Variants in ACOT1 observed in about 807,000 individuals in gnomAD.
The protein encoded by ACOT1 is acyl-coenzyme A thioesterase 1.
A neutral mutation model predicts 15.7 loss-of-function variants in ACOT1; 8 were observed. The ratio of observed to expected loss-of-function variants is 0.51; its 90% CI spans 0.30 to 0.92. ACOT1 has a LOEUF of 0.92. ACOT1 is among the 40% of genes least tolerant of loss of function. The pLI is 0.06. For missense variants in ACOT1, 151 were observed against 539.4 expected, an observed-to-expected ratio of 0.28 and a Z score of 7.13; for synonymous variants, 67 against 241.2, an observed-to-expected ratio of 0.28 and a Z score of 6.69.
chr14:73,543,110 A>T lies in ACOT1; in HGVS notation c.721A>T (p.Met241Leu), dbSNP rs746989185. 1 of 1,591,678 alleles carries T rather than the reference A, an allele frequency of 6.3e-7. No homozygotes were observed. Among genetic ancestry groups the T allele is most frequent in the Non-Finnish European group, 8.6e-7 (1 of 1,168,684 alleles). The change falls in exon 3 of 3, where the codon ATG (methionine) becomes TTG (leucine). Residue 241 changes from methionine (M) to leucine (L), a missense_variant. Transcript: ENST00000311148. ...ISKGGELCLSMASFLKGITAA... is the reference protein window; with the variant it reads ...ISKGGELCLSLASFLKGITAA... ...CAAAGGGGGTGAGCTCTGCCTTTCC[A>T]TGGCCTCTTTCCTGAAGGGCATCAC...
At chr14:73,524,310 A>AATATATATATATATATAT in the ACOT1 span, among the ~76,000 whole-genome samples, 9 of 54,770 alleles carry the variant, frequency 1.6e-4, no homozygotes, top group South Asian at 1.6e-3. Context: ...AAAAAAAAAA[A>AATATATATATATATATAT]ATATATATAT....
At chr14:73,495,203 T>C in the ACOT1 span, 2 of 1,603,242 alleles carry the variant, frequency 1.2e-6, no homozygotes, top group South Asian at 2.2e-5. Flanking sequence ...AATCAAGGCA[T>C]GGAACTCACC....
chr14:73,491,398 G>A, the ACOT1 span: 1 of 1,346,102 alleles, frequency 7.4e-7, no homozygotes, highest in Middle Eastern at 2.7e-4. Flanking sequence ...CCGCTTCCGC[G>A]CCGCCCGCGC....
At chr14:73,494,428 T>C in the ACOT1 span, among the ~76,000 whole-genome samples, 1 of 152,240 alleles carries the variant, frequency 6.6e-6, no homozygotes, top group Non-Finnish European at 1.5e-5. Context: ...AGTTTTCTGT[T>C]ATTTAAGGTT....
At chr14:73,508,963 A>G in the ACOT1 span, among the ~76,000 whole-genome samples, 2 of 151,794 alleles carry the variant, frequency 1.3e-5, no homozygotes, top group East Asian at 1.9e-4. Context: ...TCTGATAAGC[A>G]TGTATATATA....
chr14:73,503,348 G>T, the ACOT1 span, among the ~76,000 whole-genome samples: 1 of 152,202 alleles, frequency 6.6e-6, no homozygotes, highest in Non-Finnish European at 1.5e-5. Flanking sequence ...AAATTTGAAA[G>T]TGATACTTGA....
the ACOT1 span, among the ~76,000 whole-genome samples, chr14:73,507,414 C>T: frequency 5.9e-5 from 9 of 152,246 alleles, no homozygotes; most frequent in South Asian, 8.3e-4. Flanking sequence ...CAACCGGCTG[C>T]ATTTTATCTA....
the ACOT1 span, chr14:73,500,613 G>A: frequency 3.7e-6 from 6 of 1,614,066 alleles, no homozygotes; most frequent in African/African-American, 1.3e-5. Context: ...CTGCTGTGAA[G>A]TCATCAGAGA....
At chr14:73,508,374 G>C in the ACOT1 span, 28 of 1,239,698 alleles carry the variant, frequency 2.3e-5, 1 homozygote, top group South Asian at 3.0e-4. Context: ...TGATACCCAA[G>C]GCTGCTACCC....
At chr14:73,512,794 A>G in the ACOT1 span, among the ~76,000 whole-genome samples, 30 of 152,252 alleles carry the variant, frequency 2.0e-4, no homozygotes, top group African/African-American at 7.0e-4. Context: ...CAAAGCTCCT[A>G]TTATCTGTAG....
At chr14:73,500,771 T>G in the ACOT1 span, 1 of 1,587,692 alleles carries the variant, frequency 6.3e-7, no homozygotes, top group Admixed American at 1.7e-5. Context: ...TCCTTAAACT[T>G]TCAGTACCTA....
the ACOT1 span, among the ~76,000 whole-genome samples, chr14:73,514,835 G>T: frequency 5.9e-5 from 9 of 152,004 alleles, no homozygotes; most frequent in Non-Finnish European, 1.0e-4. Flanking sequence ...TTGGGAGGCC[G>T]AGGCGAGCAG....
the ACOT1 span, chr14:73,495,289 C>G: frequency 1.2e-6 from 2 of 1,614,074 alleles, no homozygotes; most frequent in South Asian, 2.2e-5. Flanking sequence ...CTTTGGGTTT[C>G]AAGTAAACAC....
the ACOT1 span, among the ~76,000 whole-genome samples, chr14:73,528,120 C>T: frequency 3.3e-5 from 5 of 151,904 alleles, no homozygotes; most frequent in East Asian, 1.9e-4. Flanking sequence ...GGAGGCTATG[C>T]GCGGTGGCTC....
chr14:73,532,318 A>C (rs1888730561), upstream of ACOT1, among the ~76,000 whole-genome samples: 1 of 115,814 alleles, frequency 8.6e-6, no homozygotes, highest in African/African-American at 2.8e-5. Context: ...AGCCATTAAC[A>C]CTAGCTTTTA....
the ACOT1 span, among the ~76,000 whole-genome samples, chr14:73,521,341 C>T: frequency 5.9e-5 from 9 of 152,216 alleles, no homozygotes; most frequent in East Asian, 1.4e-3. Context: ...AACATTCGTA[C>T]TCTTAGAGGC....
chr14:73,518,035 G>A, the ACOT1 span, among the ~76,000 whole-genome samples: 3 of 152,270 alleles, frequency 2.0e-5, no homozygotes, highest in East Asian at 1.9e-4. Flanking sequence ...GCAGTGAGCC[G>A]AGATCACGCC....
the ACOT1 span, among the ~76,000 whole-genome samples, chr14:73,503,254 C>G: frequency 7.9e-5 from 12 of 152,164 alleles, no homozygotes; most frequent in Non-Finnish European, 2.9e-5. Flanking sequence ...AGTGCTGGAA[C>G]CAGGACTCAA....
the ACOT1 span, chr14:73,500,760 C>T: frequency 6.2e-7 from 1 of 1,601,888 alleles, no homozygotes; most frequent in East Asian, 2.2e-5. Flanking sequence ...TTCCTTTCAC[C>T]TCCTTAAACT....
Sources: gnomAD v4.1 joint callset for allele counts (sites outside exome capture counted in the v4.1 genomes callset) on GRCh38, gnomAD v4.1.1 for gene constraint, MANE v1.5 for transcripts, NCBI Gene and HGNC (gene_info 2026-07-23, HGNC 2026-07-21) for gene names.